The following ST3GAL1 variants were observed in gnomAD, a reference collection of about 807,000 sequenced individuals.
ST3GAL1 encodes the protein CMP-N-acetylneuraminate-beta-galactosamide-alpha-2,3-sialyltransferase 1.
ST3GAL1 carries 16 observed loss-of-function variants against 34.1 expected under a neutral mutation model. The observed-to-expected ratio is 0.47, with a 90% CI of 0.32 to 0.71. ST3GAL1 has a LOEUF of 0.71. ST3GAL1 is among the 30% of genes least tolerant of loss of function. The probability of loss-of-function intolerance (pLI) is 0.04; values close to 1 mark genes in which losing one functional copy is unlikely to be tolerated. For missense variants in ST3GAL1, 353 were observed against 447.4 expected (o/e 0.79, Z 1.90); for synonymous variants, 191 against 184.7 (o/e 1.03, Z -0.28).
intron 2 of ST3GAL1, among the ~76,000 whole-genome samples, chr8:133,528,373 T>C (rs1818039290): frequency 6.6e-6 from 1 of 152,218 alleles, no homozygotes; most frequent in African/African-American, 2.4e-5. Context: ...TATTCACATA[T>C]CCTGCATGCC....
intron 1 of ST3GAL1, among the ~76,000 whole-genome samples, chr8:133,565,830 TGGGCCAGGGCCA>T (rs141037124): frequency 0.039 from 5,966 of 152,260 alleles, 396 homozygotes; most frequent in African/African-American, 0.14. Context: ...CCGGAGCAGA[TGGGCCAGGGCCA>T]GGGCCAGGGC....
At chr8:133,536,594 C>T (rs192429192) in intron 2 of ST3GAL1, among the ~76,000 whole-genome samples, 2 of 152,326 alleles carry the variant, frequency 1.3e-5, no homozygotes, top group East Asian at 3.9e-4. Flanking sequence ...GACGGTCTTC[C>T]AAGCCGGCAA....
At chr8:133,546,495 A>G (rs1818676355) in intron 1 of ST3GAL1, among the ~76,000 whole-genome samples, 1 of 151,748 alleles carries the variant, frequency 6.6e-6, no homozygotes, top group Non-Finnish European at 1.5e-5. Flanking sequence ...AAAAAAAAAA[A>G]AAGGACAAAT....
chr8:133,484,646 C>T (rs1291094985), intron 3 of ST3GAL1, among the ~76,000 whole-genome samples: 2 of 152,180 alleles, frequency 1.3e-5, no homozygotes, highest in African/African-American at 2.4e-5. Context: ...TGTGTTATTA[C>T]AAGGGAGTGT....
At chr8:133,474,797 C>G (rs888996064) in intron 5 of ST3GAL1, among the ~76,000 whole-genome samples, 11 of 152,170 alleles carry the variant, frequency 7.2e-5, no homozygotes, top group Admixed American at 3.3e-4. Context: ...CCCTGGTGAC[C>G]CCATTTACAG....
At chr8:133,483,979 C>T (rs1172929658) in intron 3 of ST3GAL1, among the ~76,000 whole-genome samples, 1 of 152,232 alleles carries the variant, frequency 6.6e-6, no homozygotes, top group African/African-American at 2.4e-5. Flanking sequence ...TCTGAAGTAT[C>T]CAAGATTTAC....
intron 2 of ST3GAL1, among the ~76,000 whole-genome samples, chr8:133,510,059 CAAAA>C (rs61402942): frequency 5.0e-5 from 6 of 120,208 alleles, no homozygotes; most frequent in African/African-American, 9.5e-5. Flanking sequence ...AACTCTGTCT[CAAAA>C]AAAAAAAAAA....
Position 133,476,206 on chromosome 8 carries a change from T to C in ST3GAL1, c.-51+72A>G, listed in dbSNP as rs773298485. 1.9e-5 allele frequency: 12 copies of C among 634,440 alleles called. No individual in the cohort carries two copies. In the African/African-American group the frequency reaches 2.0e-4, roughly 11 times the overall value. 39.3% of individuals were successfully genotyped at this position (634,440 alleles called of 1,614,324 possible). On this transcript the variant is annotated intron_variant, in intron 4 of 9. Coordinates refer to ENST00000522652, the MANE Select transcript of ST3GAL1 (RefSeq NM_173344.3). ...CTCCTGCTGGGGGATGACCCCCAAC[T>C]GTGTCCCAGACACGGCTGTGTGGTA...
intron 2 of ST3GAL1, among the ~76,000 whole-genome samples, chr8:133,515,067 C>T (rs1817602526): frequency 6.6e-6 from 1 of 152,180 alleles, no homozygotes; most frequent in Non-Finnish European, 1.5e-5. Context: ...TGATCCAACT[C>T]CCCCACCCTC....
intron 1 of ST3GAL1, among the ~76,000 whole-genome samples, chr8:133,568,219 C>T (rs1027586055): frequency 2.0e-5 from 3 of 152,190 alleles, no homozygotes; most frequent in African/African-American, 7.2e-5. Flanking sequence ...CTGTGCCCAG[C>T]CAAGCCTCTT....
At chr8:133,528,996 G>A (rs1818062883) in intron 2 of ST3GAL1, among the ~76,000 whole-genome samples, 1 of 152,256 alleles carries the variant, frequency 6.6e-6, no homozygotes, top group African/African-American at 2.4e-5. Flanking sequence ...GAATCAGCCT[G>A]TGCTAAGACA....
intron 2 of ST3GAL1, among the ~76,000 whole-genome samples, chr8:133,527,363 G>A (rs1181791599): frequency 2.6e-5 from 4 of 152,110 alleles, no homozygotes; most frequent in African/African-American, 7.2e-5. Context: ...TGTCGGCATC[G>A]GGAGTAAAGG....
chr8:133,481,662 A>G (rs1349554945), intron 3 of ST3GAL1, among the ~76,000 whole-genome samples: 6 of 151,862 alleles, frequency 4.0e-5, no homozygotes, highest in East Asian at 3.9e-4. Context: ...TGCCTGGCTA[A>G]TTTTTGTATT....
At chr8:133,560,048 A>G (rs1819171225) in intron 1 of ST3GAL1, among the ~76,000 whole-genome samples, 1 of 152,204 alleles carries the variant, frequency 6.6e-6, no homozygotes, top group Non-Finnish European at 1.5e-5. Flanking sequence ...GTTCTGTGGC[A>G]CTGCAGGGTG....
At position 133,467,104 on chromosome 8, in the gene ST3GAL1, A is replaced by G. The variant is rs1167995788; in HGVS notation, c.307-1014T>C. ...AGCGAGACTCCAACTCGAAAAAAAAAAAAAAAAGACCTAGCTCGAGGGTCA... is the reference window on the plus strand; with the variant it reads ...AGCGAGACTCCAACTCGAAAAAAAAGAAAAAAAGACCTAGCTCGAGGGTCA... On this transcript the variant is annotated intron_variant, in intron 5 of 9. Transcript: ENST00000522652. The surrounding 1 kb of genome is among the most constrained non-coding windows in gnomAD (Gnocchi z 4.2). Among the ~76,000 whole-genome samples the G allele has an allele frequency of 6.6e-6, 1 of 152,052 alleles. No individual in the cohort carries two copies. The highest frequency in any genetic ancestry group is 1.5e-5 in the Non-Finnish European group (1 of 67,980).
Position 133,531,814 on chromosome 8 carries a change from G to GA in ST3GAL1, c.-429+13959dup, listed in dbSNP as rs55909710. 5.6e-3 allele frequency among the ~76,000 whole-genome samples: 557 copies of GA among 99,816 alleles called. 5 individuals are homozygous for GA. The highest frequency in any genetic ancestry group is 0.018 in the East Asian group (63 of 3,482). The allele number at this position is 99,816 out of a possible 152,430, so 65.5% of individuals were successfully genotyped here. Reference sequence around the variant, plus strand: ...ACTTGTATCCCGAAACTTAAAAACAGAAAAAAAAAAAAAAAAAAAAAAAAG... The same window carrying GA: ...ACTTGTATCCCGAAACTTAAAAACAGAAAAAAAAAAAAAAAAAAAAAAAAAG... On this transcript the variant is annotated intron_variant, in intron 2 of 9. Transcript: ENST00000522652.
intron 1 of ST3GAL1, among the ~76,000 whole-genome samples, chr8:133,554,365 G>A (rs1324396546): frequency 6.6e-6 from 1 of 152,172 alleles, no homozygotes; most frequent in African/African-American, 2.4e-5. Flanking sequence ...CTGCAGCGGT[G>A]GGGGTGGATC....
At chr8:133,535,105 C>T (rs367637589) in intron 2 of ST3GAL1, among the ~76,000 whole-genome samples, 3 of 152,130 alleles carry the variant, frequency 2.0e-5, no homozygotes, top group Admixed American at 2.0e-4. Context: ...GAAGAGACAA[C>T]GCTAAAGCTG....
At chr8:133,549,013 T>A (rs1442576828) in intron 1 of ST3GAL1, among the ~76,000 whole-genome samples, 1 of 152,262 alleles carries the variant, frequency 6.6e-6, no homozygotes, top group Non-Finnish European at 1.5e-5. Context: ...GTATGTTACA[T>A]CTTACTAAAT....
Sources: gnomAD v4.1 joint callset for allele counts (sites outside exome capture counted in the v4.1 genomes callset) on GRCh38, gnomAD v4.1.1 for gene constraint, Gnocchi (gnomAD v3.1) non-coding constraint, MANE v1.5 for transcripts, NCBI Gene and HGNC (gene_info 2026-07-23, HGNC 2026-07-21) for gene names.